BRI3: variants seen among roughly 807,000 people sequenced by gnomAD.
The protein encoded by BRI3 is membrane protein BRI3.
BRI3 carries 6 observed loss-of-function variants against 12.8 expected under a neutral mutation model. The ratio of observed to expected loss-of-function variants is 0.47; its 90% confidence interval spans 0.26 to 0.93. The LOEUF is 0.93. Ranked by LOEUF, BRI3 falls within the 40% of genes least tolerant of loss-of-function variation. The pLI is 0.15. For synonymous variants in BRI3, 91 were observed against 76.1 expected, an observed-to-expected ratio of 1.20 and a Z score of -1.02; for missense variants, 134 against 171.1, an observed-to-expected ratio of 0.78 and a Z score of 1.21.
At chr7:98,312,221 G>A, downstream of BRI3, 3 of 1,613,774 alleles carry the variant, frequency 1.9e-6, no homozygotes, top group Non-Finnish European at 2.5e-6. Context: ...ATCAACACAG[G>A]TCTCCTGCCA....
At chr7:98,320,143 G>C in the BRI3 span, 1 of 1,605,540 alleles carries the variant, frequency 6.2e-7, no homozygotes, top group Non-Finnish European at 8.5e-7. Flanking sequence ...TTAACAAAAG[G>C]AAATAAATTC....
intron 1 of BRI3, among the ~76,000 whole-genome samples, chr7:98,300,147 C>G (rs1185434865): frequency 6.6e-6 from 1 of 152,244 alleles, no homozygotes; most frequent in Non-Finnish European, 1.5e-5. Flanking sequence ...GGCTGCTGGA[C>G]TGGGCAGGGA....
chr7:98,292,948 C>T (rs540180238), downstream of BRI3: 16 of 1,245,862 alleles, frequency 1.3e-5, no homozygotes, highest in East Asian at 2.0e-4. Flanking sequence ...ACAGCTCTGG[C>T]GTGGTTGGAG....
upstream of BRI3, among the ~76,000 whole-genome samples, chr7:98,305,890 C>T (rs1045203144): frequency 2.0e-5 from 3 of 152,056 alleles, no homozygotes; most frequent in Non-Finnish European, 4.4e-5. Flanking sequence ...CTCAGCAAAG[C>T]CCATCAGTGT....
chr7:98,306,712 AT>A (rs928406733), intron 1 of BRI3: 770 of 783,302 alleles, frequency 9.8e-4, no homozygotes, highest in East Asian at 1.4e-3. Context: ...ATTGTTAACA[AT>A]TTTTTTTTAA....
chr7:98,283,392 G>C (rs1162268505), intron 2 of BRI3, among the ~76,000 whole-genome samples: 1 of 152,200 alleles, frequency 6.6e-6, no homozygotes, highest in Non-Finnish European at 1.5e-5. Context: ...GCAACCTAGA[G>C]GTGGGGACAA....
intron 2 of BRI3, among the ~76,000 whole-genome samples, chr7:98,284,612 C>A (rs1799650977): frequency 6.6e-6 from 1 of 152,228 alleles, no homozygotes; most frequent in African/African-American, 2.4e-5. Context: ...GCCCGCCGGG[C>A]TCTGTCCCCC....
At chr7:98,287,617 G>A (rs547795036) in intron 2 of BRI3, among the ~76,000 whole-genome samples, 191 of 152,344 alleles carry the variant, frequency 1.3e-3, no homozygotes, top group Non-Finnish European at 2.3e-3. Flanking sequence ...GGCAGTGGGA[G>A]TGCAGCAAGA....
the BRI3 span, among the ~76,000 whole-genome samples, chr7:98,316,455 G>A: frequency 6.6e-6 from 1 of 152,122 alleles, no homozygotes; most frequent in Non-Finnish European, 1.5e-5. Context: ...TTGGCAGGAG[G>A]TCACTGATTA....
downstream of BRI3, chr7:98,293,746 GAA>G (rs976319206): frequency 1.2e-5 from 9 of 756,856 alleles, no homozygotes; most frequent in Non-Finnish European, 2.0e-5. Context: ...TTCTGAGTGT[GAA>G]AGTTTTGTTC....
intron 1 of BRI3, among the ~76,000 whole-genome samples, chr7:98,299,869 C>A (rs1306579812): frequency 6.6e-6 from 1 of 151,868 alleles, no homozygotes. Flanking sequence ...GGTGAAACCC[C>A]GTATCTACTA....
chr7:98,310,152 C>T (rs567725864), exon 2 of BRI3: 8 of 293,784 alleles, frequency 2.7e-5, no homozygotes, highest in African/African-American at 1.1e-4. Flanking sequence ...CGCCTGGCCT[C>T]CATTTATTTG....
chr7:98,290,940 C>T (rs1167423954), intron 2 of BRI3, among the ~76,000 whole-genome samples, 171 bp from the exon 3 acceptor site: 1 of 150,898 alleles, frequency 6.6e-6, no homozygotes, highest in Non-Finnish European at 1.5e-5. Context: ...CTCTCCAGGC[C>T]AGTGGGCTGT....
upstream of BRI3, chr7:98,304,221 G>A (rs747137198): frequency 7.5e-6 from 12 of 1,608,646 alleles, no homozygotes; most frequent in Non-Finnish European, 9.3e-6. Flanking sequence ...GGGCTTGGAC[G>A]CTGGGGCCTT....
downstream of BRI3, chr7:98,292,988 G>A (rs1210348622): frequency 7.6e-6 from 9 of 1,183,118 alleles, no homozygotes; most frequent in Non-Finnish European, 8.4e-6. Flanking sequence ...ATCTCTGGAA[G>A]CTCTACACTT....
chr7:98,301,819 C>T (rs374526283), upstream of BRI3, among the ~76,000 whole-genome samples: 132 of 152,150 alleles, frequency 8.7e-4, no homozygotes, highest in Non-Finnish European at 1.4e-3. Context: ...CTGAAGCTCG[C>T]GGGTGTGAGC....
At chr7:98,317,369 T>C in the BRI3 span, 2 of 1,612,412 alleles carry the variant, frequency 1.2e-6, no homozygotes, top group Admixed American at 1.7e-5. Flanking sequence ...GTAAGTTAAA[T>C]GGCTGTGCTT....
downstream of BRI3, chr7:98,294,041 C>G (rs1278292595): frequency 6.2e-7 from 1 of 1,611,096 alleles, no homozygotes; most frequent in African/African-American, 1.3e-5. Context: ...AGCAATGTCA[C>G]ACACTGAGGC....
At chr7:98,303,788 TA>T (rs1800523299), upstream of BRI3, among the ~76,000 whole-genome samples, 1 of 151,956 alleles carries the variant, frequency 6.6e-6, no homozygotes, top group Non-Finnish European at 1.5e-5. Context: ...TGCCTGGGAG[TA>T]AAGACTTTCT....
Sources: gnomAD v4.1 joint callset for allele counts (sites outside exome capture counted in the v4.1 genomes callset) on GRCh38, gnomAD v4.1.1 for gene constraint, MANE v1.5 for transcripts, NCBI Gene and HGNC (gene_info 2026-07-23, HGNC 2026-07-21) for gene names.